The following GPC3 variants were observed in gnomAD, a reference collection of about 807,000 sequenced individuals.
GPC3 encodes the protein glypican-3.
In GPC3, 3 loss-of-function variants were observed where a neutral mutation model predicts 34.4. The ratio of observed to expected loss-of-function variants is 0.09; its 90% CI spans 0.04 to 0.23. The LOEUF (loss-of-function observed/expected upper bound fraction) is 0.23, where lower values mean the gene tolerates loss of function less well. Ranked by LOEUF, GPC3 falls within the 10% of genes least tolerant of loss-of-function variation. GPC3 has a pLI of 1.00. For missense variants in GPC3, 351 were observed against 445.6 expected (o/e 0.79, Z 1.91); for synonymous variants, 177 against 174.0 (o/e 1.02, Z -0.13).
intron 3 of GPC3, among the ~76,000 whole-genome samples, chrX:133,703,779 C>T (rs2071188564): frequency 8.9e-6 from 1 of 111,825 alleles, no homozygotes; most frequent in Admixed American, 9.5e-5. Context: ...TTTTAGTAAC[C>T]TTAGCATCAT....
intron 2 of GPC3, among the ~76,000 whole-genome samples, chrX:133,898,975 G>A (rs1366101304): frequency 9.0e-6 from 1 of 111,730 alleles, no homozygotes; most frequent in African/African-American, 3.3e-5. Context: ...TGTACTGCCT[G>A]GTACTGAGAG....
intron 6 of GPC3, among the ~76,000 whole-genome samples, chrX:133,636,844 C>T (rs2070431243): frequency 9.0e-6 from 1 of 110,674 alleles, no homozygotes; most frequent in Non-Finnish European, 1.9e-5. Flanking sequence ...GCAGATCTCC[C>T]CTCACTATTC....
rs962814739 is a variant in GPC3 at position 133,871,717 on chromosome X, T to C, written c.337+81333A>G. 1.8e-4 allele frequency among the ~76,000 whole-genome samples: 20 copies of C among 111,965 alleles called. No homozygotes were observed. The South Asian group carries it at 1.8e-3, about 10-fold the overall frequency. ...GGTGATATATAGTGGAAGTTCATCA[T>C]CCTCAAGTAGTGCAACTGTACAGTA... On this transcript the variant is annotated intron_variant, in intron 2 of 7. Transcript: ENST00000370818.
At chrX:133,577,972 C>T (rs151084219) in intron 7 of GPC3, among the ~76,000 whole-genome samples, 251 of 112,075 alleles carry the variant, frequency 2.2e-3, no homozygotes, top group African/African-American at 7.7e-3. Flanking sequence ...CTATACCCCT[C>T]TGTGTATCTT....
At chrX:133,766,846 G>A (rs1326010272) in intron 2 of GPC3, among the ~76,000 whole-genome samples, 1 of 112,126 alleles carries the variant, frequency 8.9e-6, no homozygotes, top group East Asian at 2.8e-4. Flanking sequence ...TTAGCTTTAG[G>A]TATAATAAGA....
At chrX:133,984,954 G>A (rs931925048) in intron 1 of GPC3, among the ~76,000 whole-genome samples, 9 of 111,531 alleles carry the variant, frequency 8.1e-5, no homozygotes, top group Middle Eastern at 4.2e-3. Context: ...GCGCCAGTTC[G>A]CAGAGACCCG....
intron 6 of GPC3, among the ~76,000 whole-genome samples, chrX:133,626,142 T>C (rs1236878079): frequency 8.9e-6 from 1 of 111,939 alleles, no homozygotes; most frequent in African/African-American, 3.2e-5. Flanking sequence ...ATCCCTTCCT[T>C]ACACCTTATA....
intron 2 of GPC3, among the ~76,000 whole-genome samples, chrX:133,900,517 T>A (rs769044635): frequency 8.9e-6 from 1 of 111,795 alleles, no homozygotes; most frequent in East Asian, 2.8e-4. Flanking sequence ...ATGTGGAAGA[T>A]CTGAGGATTA....
chrX:133,762,927 T>C (rs1455259385), intron 2 of GPC3: 6 of 559,971 alleles, frequency 1.1e-5, no homozygotes, highest in Non-Finnish European at 1.9e-5. Context: ...GGAAAAGTGA[T>C]GGCATCTACA....
chrX:133,846,320 T>A (rs1324218974), intron 2 of GPC3, among the ~76,000 whole-genome samples: 1 of 111,922 alleles, frequency 8.9e-6, no homozygotes, highest in Non-Finnish European at 1.9e-5. Context: ...ATAATCCTCT[T>A]CCCACTCCAA....
intron 2 of GPC3, among the ~76,000 whole-genome samples, chrX:133,788,088 T>TTATA (rs56318773): frequency 0.036 from 2,326 of 64,720 alleles, 79 homozygotes; most frequent in East Asian, 0.095. Flanking sequence ...TCATATTATT[T>TTATA]TATATATATA....
intron 4 of GPC3, among the ~76,000 whole-genome samples, chrX:133,693,444 A>G (rs999988655): frequency 8.9e-6 from 1 of 111,835 alleles, no homozygotes; most frequent in African/African-American, 3.2e-5. Context: ...AACACACTTT[A>G]TTTTCTAAAG....
intron 6 of GPC3, among the ~76,000 whole-genome samples, chrX:133,617,691 G>C (rs2070181412): frequency 8.9e-6 from 1 of 111,741 alleles, no homozygotes; most frequent in Admixed American, 9.5e-5. Flanking sequence ...AATATGTTCA[G>C]GAATATAGAG....
intron 2 of GPC3, among the ~76,000 whole-genome samples, chrX:133,785,877 C>G (rs759078260): frequency 2.7e-5 from 3 of 111,713 alleles, no homozygotes; most frequent in Non-Finnish European, 5.6e-5. Context: ...TACTATAGTC[C>G]GTGAAAATCA....
At chrX:133,880,425 C>G (rs1257320768) in intron 2 of GPC3, among the ~76,000 whole-genome samples, 1 of 111,862 alleles carries the variant, frequency 8.9e-6, no homozygotes, top group East Asian at 2.8e-4. Flanking sequence ...TCTCTCCTAC[C>G]GTTTCATAGT....
intron 2 of GPC3, among the ~76,000 whole-genome samples, chrX:133,878,986 T>C (rs2076029505): frequency 9.0e-6 from 1 of 111,543 alleles, no homozygotes; most frequent in Non-Finnish European, 1.9e-5. Flanking sequence ...ACAAGTCGAA[T>C]GTCTGCTTGG....
chrX:133,787,856 T>C (rs967318738), intron 2 of GPC3, among the ~76,000 whole-genome samples: 5 of 108,618 alleles, frequency 4.6e-5, no homozygotes, highest in Non-Finnish European at 7.6e-5. Context: ...ACTTGGCTAC[T>C]CTCTCTCTTC....
intron 3 of GPC3, among the ~76,000 whole-genome samples, chrX:133,752,168 A>G (rs1211796514): frequency 9.0e-6 from 1 of 111,553 alleles, no homozygotes; most frequent in Non-Finnish European, 1.9e-5. Flanking sequence ...GCACCTGGCC[A>G]CATATATTTC....
chrX:133,906,942 T>C (rs1215734973), intron 2 of GPC3, among the ~76,000 whole-genome samples: 2 of 109,763 alleles, frequency 1.8e-5, no homozygotes, highest in Non-Finnish European at 3.8e-5. Flanking sequence ...CTACTAAAAA[T>C]ACAAAAAAAT....
Sources: gnomAD v4.1 joint callset for allele counts (sites outside exome capture counted in the v4.1 genomes callset) on GRCh38, gnomAD v4.1.1 for gene constraint, MANE v1.5 for transcripts, NCBI Gene and HGNC (gene_info 2026-07-23, HGNC 2026-07-21) for gene names.